The following DYNLL1 variants were observed in gnomAD, a reference collection of about 807,000 sequenced individuals.
DYNLL1 encodes dynein light chain 1, cytoplasmic.
A neutral mutation model predicts 10.1 loss-of-function variants in DYNLL1; 3 were observed. The ratio of observed to expected loss-of-function variants is 0.30; its 90% CI spans 0.14 to 0.77. The LOEUF is 0.77. DYNLL1 is among the 30% of genes least tolerant of loss of function. The pLI, the probability that DYNLL1 is intolerant of heterozygous loss-of-function variation, is 0.66. For synonymous variants in DYNLL1, 46 were observed against 41.2 expected, an observed-to-expected ratio of 1.12 and a Z score of -0.45; for missense variants, 47 against 111.7, an observed-to-expected ratio of 0.42 and a Z score of 2.61.
intron 1 of DYNLL1, among the ~76,000 whole-genome samples, chr12:120,489,632 C>T (rs1027605140): frequency 6.6e-6 from 1 of 152,218 alleles, no homozygotes; most frequent in African/African-American, 2.4e-5. Flanking sequence ...CTTCCATCCT[C>T]ATGCAGTAGC....
intron 1 of DYNLL1, among the ~76,000 whole-genome samples, chr12:120,479,468 A>AAAAAAAAAAAT (rs1555221140): frequency 9.1e-6 from 1 of 109,580 alleles, no homozygotes; most frequent in Non-Finnish European, 1.8e-5. Flanking sequence ...AAAAAAAAAA[A>AAAAAAAAAAAT]AATAATAATA....
intron 1 of DYNLL1, among the ~76,000 whole-genome samples, chr12:120,471,696 C>T (rs987755346): frequency 6.6e-6 from 1 of 151,896 alleles, no homozygotes; most frequent in African/African-American, 2.4e-5. Context: ...CTGCAAGCTC[C>T]GCCTCCCAGG....
At chr12:120,483,786 G>A (rs1305564612) in intron 1 of DYNLL1, among the ~76,000 whole-genome samples, 1 of 152,136 alleles carries the variant, frequency 6.6e-6, no homozygotes, top group Non-Finnish European at 1.5e-5. Flanking sequence ...GAGAAGGCCT[G>A]GTTCACTTCT....
intron 1 of DYNLL1, chr12:120,490,291 A>G (rs1389347285): frequency 6.6e-6 from 1 of 152,216 alleles, no homozygotes; most frequent in Non-Finnish European, 1.5e-5. Flanking sequence ...TCTCCCAGTC[A>G]ATGAATCAGG....
At chr12:120,475,574 A>G (rs73221380) in intron 1 of DYNLL1, among the ~76,000 whole-genome samples, 4,776 of 152,328 alleles carry the variant, frequency 0.031, 117 homozygotes, top group Non-Finnish European at 0.048. Context: ...AAAACATTCT[A>G]TATTTGAGTT....
At chr12:120,496,826 T>A (rs913935341) in intron 2 of DYNLL1, 15 of 598,506 alleles carry the variant, frequency 2.5e-5, no homozygotes, top group Non-Finnish European at 4.1e-5. Context: ...GGAGCAGCGG[T>A]TCCCCCTTCT....
intron 1 of DYNLL1, 80 bp downstream of exon 1, chr12:120,496,296 C>T: frequency 3.5e-6 from 5 of 1,428,600 alleles, no homozygotes; most frequent in Non-Finnish European, 3.8e-6. Flanking sequence ...GCGTAGCCCG[C>T]GCTTCCTGAG....
At chr12:120,485,446 G>A (rs1463631627) in intron 1 of DYNLL1, among the ~76,000 whole-genome samples, 1 of 151,740 alleles carries the variant, frequency 6.6e-6, no homozygotes, top group African/African-American at 2.4e-5. Flanking sequence ...AGTAGAGACA[G>A]GGTTTTAACA....
At chr12:120,496,268 C>G in intron 1 of DYNLL1, 52 bp downstream of exon 1, 1 of 1,225,838 alleles carries the variant, frequency 8.2e-7, no homozygotes, top group Admixed American at 2.4e-5. Context: ...TTTCGCCCCA[C>G]TCCGGACTTA....
chr12:120,480,839 A>G (rs1278433182), intron 1 of DYNLL1, among the ~76,000 whole-genome samples: 6 of 150,016 alleles, frequency 4.0e-5, no homozygotes, highest in Middle Eastern at 3.5e-3. Context: ...GGCTCACTGC[A>G]AGCTCCGCCT....
chr12:120,484,649 C>A lies in DYNLL1; in HGVS notation c.-6-11767C>A, dbSNP rs1878952519. Reference sequence around the variant, plus strand: ...ATTATTTTTATCTTTGAAAGATATTCATCAGAACAAAGCACTGTTACAATA... The same window carrying A: ...ATTATTTTTATCTTTGAAAGATATTAATCAGAACAAAGCACTGTTACAATA... On this transcript the variant is annotated intron_variant, in intron 1 of 2. Transcript: ENST00000392509. Among the ~76,000 whole-genome samples the A allele has an allele frequency of 2.0e-5, 3 of 151,958 alleles. No individual in the cohort carries two copies. In the South Asian group the frequency reaches 6.2e-4, roughly 31 times the overall value.
Position 120,496,236 on chromosome 12 carries a change from A to AG in DYNLL1, c.-7+25dup, listed in dbSNP as rs879746850. On this transcript the variant is annotated intron_variant, in intron 1 of 2. Transcript: ENST00000242577. ...TCCACGGTGAGAAACTCGGGGGGCCAGGGGGTGTCCTCGCTGCCTTATTTC... is the reference window on the plus strand; with the variant it reads ...TCCACGGTGAGAAACTCGGGGGGCCAGGGGGGTGTCCTCGCTGCCTTATTTC... The AG allele has an allele frequency of 1.5e-4, 129 of 848,266 alleles. 1 individual carries two copies. Among genetic ancestry groups the AG allele is most frequent in the Non-Finnish European group, 2.1e-4 (116 of 550,360 alleles). The allele number at this position is 848,266 out of a possible 1,614,324, so 52.5% of individuals were successfully genotyped here.
intron 1 of DYNLL1, among the ~76,000 whole-genome samples, chr12:120,479,458 AAAAAAAAAAAAAT>A (rs1878831558): frequency 2.3e-5 from 3 of 131,124 alleles, no homozygotes; most frequent in Admixed American, 8.3e-5. Context: ...CCAAAAAAAA[AAAAAAAAAAAAAT>A]AATAATAATA....
intron 1 of DYNLL1, among the ~76,000 whole-genome samples, chr12:120,480,247 G>A (rs531973837): frequency 4.6e-5 from 7 of 152,300 alleles, no homozygotes; most frequent in African/African-American, 1.4e-4. Context: ...GGCTGGTTAA[G>A]CAGGAAATGT....
upstream of DYNLL1, chr12:120,496,085 G>A (rs1439277917): frequency 7.6e-6 from 3 of 392,456 alleles, no homozygotes; most frequent in African/African-American, 2.1e-5. Flanking sequence ...CTGAGCACTA[G>A]GCGGCGGCGG....
intron 1 of DYNLL1, among the ~76,000 whole-genome samples, chr12:120,476,092 G>A (rs73221381): frequency 0.047 from 6,900 of 147,920 alleles, 259 homozygotes; most frequent in South Asian, 0.11. Flanking sequence ...CAAGCAAAGG[G>A]TAGGGGGGTG....
At chr12:120,485,251 CTTTTTTT>C (rs34043402) in intron 1 of DYNLL1, among the ~76,000 whole-genome samples, 1 of 76,802 alleles carries the variant, frequency 1.3e-5, no homozygotes, top group Non-Finnish European at 2.4e-5. Flanking sequence ...TTGTAGAAGG[CTTTTTTT>C]TTTTTTTTTT....
At position 120,496,325 on chromosome 12, in the gene DYNLL1, C is replaced by T. The variant is rs1002433250; in HGVS notation, c.-6-91C>T. The T allele has an allele frequency of 3.2e-6, 5 of 1,545,014 alleles. No homozygotes were observed. The African/African-American group carries it at 6.8e-5, about 21-fold the overall frequency. On this transcript the variant is annotated intron_variant, in intron 1 of 2. Transcript: ENST00000242577. ...TCCTGAGAAGTGGGGTGGGGGGCGT[C>T]GTCCCGTGGTGGCGCCGGCCGGGGT...
At chr12:120,497,218 C>G (rs949820462) in intron 2 of DYNLL1, 4 of 154,288 alleles carry the variant, frequency 2.6e-5, no homozygotes, top group Admixed American at 2.5e-4. Flanking sequence ...AAAAGGTTTT[C>G]GCACTGCGTG....
Sources: gnomAD v4.1 joint callset for allele counts (sites outside exome capture counted in the v4.1 genomes callset) on GRCh38, gnomAD v4.1.1 for gene constraint, MANE v1.5 for transcripts, NCBI Gene and HGNC (gene_info 2026-07-23, HGNC 2026-07-21) for gene names.